PCDHA4: variants seen among roughly 807,000 people sequenced by gnomAD.
PCDHA4 encodes protocadherin alpha-4.
PCDHA4 carries 49 observed loss-of-function variants against 61.4 expected under a neutral mutation model. The ratio of observed to expected loss-of-function variants is 0.80; its 90% CI spans 0.63 to 1.01. The LOEUF is 1.01. Among genes scored for constraint, PCDHA4 ranks in the 50% least tolerant of loss-of-function variants. PCDHA4 has a pLI of 0.00. For synonymous variants in PCDHA4, 590 were observed against 550.3 expected (o/e 1.07, Z -1.01); for missense variants, 1,254 against 1,235.8 (o/e 1.01, Z -0.22).
chr5:140,987,433 T>C (rs2097253895), intron 3 of PCDHA4, among the ~76,000 whole-genome samples: 1 of 152,108 alleles, frequency 6.6e-6, no homozygotes. Flanking sequence ...CAGGGGGCCT[T>C]TCCCCATGCC....
chr5:140,838,075 ATAGTGTGTGTGTGTGT>A (rs1457596432), intron 1 of PCDHA4, among the ~76,000 whole-genome samples: 1,771 of 128,230 alleles, frequency 0.014, 43 homozygotes, highest in African/African-American at 0.016. Flanking sequence ...TTATATATAT[ATAGTGTGTGTGTGTGT>A]GTGTGTGTGT....
At chr5:140,815,732 A>G (rs1410141978) in intron 1 of PCDHA4, 2 of 152,184 alleles carry the variant, frequency 1.3e-5, no homozygotes. Flanking sequence ...TTTTAACTCA[A>G]AAGGCCCCCT....
intron 3 of PCDHA4, among the ~76,000 whole-genome samples, chr5:140,988,533 C>G (rs1395075166): frequency 6.6e-6 from 1 of 152,160 alleles, no homozygotes; most frequent in African/African-American, 2.4e-5. Flanking sequence ...CTGGCTCCAT[C>G]CATTCATGAC....
At chr5:140,973,342 A>ATAGTAATT (rs1437052159) in intron 1 of PCDHA4, among the ~76,000 whole-genome samples, 4 of 152,344 alleles carry the variant, frequency 2.6e-5, no homozygotes, top group Admixed American at 2.6e-4. Context: ...GTAAAGTGAC[A>ATAGTAATT]TAGTAGTGAA....
At chr5:140,990,737 C>T (rs2097410697) in intron 3 of PCDHA4, among the ~76,000 whole-genome samples, 1 of 152,162 alleles carries the variant, frequency 6.6e-6, no homozygotes, top group African/African-American at 2.4e-5. Context: ...ATCAACAGCC[C>T]TAGGGTGGAT....
chr5:140,852,335 T>C (rs2042302607), intron 1 of PCDHA4: 1 of 256,936 alleles, frequency 3.9e-6, no homozygotes. Context: ...TGGAGTACAG[T>C]GGCATGATCT....
At chr5:140,846,712 C>G (rs1014332332) in intron 1 of PCDHA4, among the ~76,000 whole-genome samples, 1 of 149,228 alleles carries the variant, frequency 6.7e-6, no homozygotes, top group Non-Finnish European at 1.5e-5. Context: ...ATTGTAATAA[C>G]CAGTCTTCAT....
intron 1 of PCDHA4, among the ~76,000 whole-genome samples, chr5:140,908,888 C>T (rs2074210125): frequency 1.3e-5 from 2 of 152,122 alleles, no homozygotes; most frequent in African/African-American, 4.8e-5. Flanking sequence ...CCAATAGTCC[C>T]AAATAAGCCT....
At chr5:140,999,051 C>T (rs972072595) in intron 3 of PCDHA4, among the ~76,000 whole-genome samples, 6 of 152,196 alleles carry the variant, frequency 3.9e-5, no homozygotes, top group African/African-American at 9.7e-5. Flanking sequence ...TGCTTTCCAC[C>T]ATGCCTAAGT....
At chr5:140,856,381 G>T in intron 1 of PCDHA4, 2 of 1,598,516 alleles carry the variant, frequency 1.3e-6, no homozygotes, top group South Asian at 1.1e-5. Context: ...TCGTGGACAG[G>T]CCGCTGCAGG....
intron 1 of PCDHA4, chr5:140,813,671 C>T (rs1480249597): frequency 1.3e-5 from 2 of 152,120 alleles, no homozygotes; most frequent in East Asian, 1.9e-4. Context: ...AAGCACTATA[C>T]ATTTAGGCTA....
intron 1 of PCDHA4, among the ~76,000 whole-genome samples, chr5:140,889,644 C>A (rs2062317759): frequency 6.6e-6 from 1 of 151,938 alleles, no homozygotes; most frequent in African/African-American, 2.4e-5. Flanking sequence ...TTTGTGTTTG[C>A]AGGAGATGTC....
intron 1 of PCDHA4, among the ~76,000 whole-genome samples, chr5:140,873,504 T>TTTTTTTTTTTTTTTTTTTTTTTGAG: frequency 6.6e-6 from 1 of 152,256 alleles, no homozygotes; most frequent in South Asian, 2.1e-4. Context: ...TTGTGTCTTT[T>TTTTTTTTTTTTTTTTTTTTTTTGAG]ATACTTAATG....
In PCDHA4 at chr5:140,993,462, T is replaced by C. The variant is rs540334246; in HGVS notation, c.2533+10899T>C. ...CATTCCTGTTCTCCTTCTTTCTTTCTCACACACACACACACACACACACAC... is the reference window on the plus strand; with the variant it reads ...CATTCCTGTTCTCCTTCTTTCTTTCCCACACACACACACACACACACACAC... On this transcript the variant is annotated intron_variant, in intron 3 of 3. Transcript: ENST00000530339. Among the ~76,000 whole-genome samples the C allele has an allele frequency of 4.2e-3, 597 of 141,044 alleles. 4 individuals are homozygous for C. Among genetic ancestry groups the C allele is most frequent in the African/African-American group, 0.015 (577 of 37,966 alleles). 92.5% of individuals were successfully genotyped at this position (141,044 alleles called of 152,430 possible).
At chr5:140,842,871 T>G in intron 1 of PCDHA4, 1 of 1,593,666 alleles carries the variant, frequency 6.3e-7, no homozygotes, top group Non-Finnish European at 8.6e-7. Context: ...AGCGGCAAGG[T>G]GTACGCGCTG....
intron 1 of PCDHA4, among the ~76,000 whole-genome samples, chr5:140,840,836 TA>T (rs1554137914): frequency 6.6e-6 from 1 of 152,034 alleles, no homozygotes; most frequent in Non-Finnish European, 1.5e-5. Flanking sequence ...AAATAAATAT[TA>T]ATGCATTTCT....
intron 1 of PCDHA4, chr5:140,859,356 A>T (rs1159666697): frequency 4.0e-6 from 1 of 251,742 alleles, no homozygotes; most frequent in African/African-American, 2.3e-5. Context: ...TACTGATCTG[A>T]TATATTGTAT....
At position 140,870,696 on chromosome 5, in the gene PCDHA4, G is replaced by A. The variant is rs377050637; in HGVS notation, c.2385+61124G>A. The A allele has an allele frequency of 1.1e-5, 17 of 1,612,906 alleles. No individual in the cohort carries two copies. The African/African-American group carries it at 1.9e-4, about 18-fold the overall frequency. ...ACCACGAGGAGCTGGAGCTGCTACA[G>A]TTCCAGGTGAGCGCGCGCGATGCGG... On this transcript the variant is annotated intron_variant, in intron 1 of 3. Coordinates refer to ENST00000530339, the MANE Select transcript of PCDHA4 (RefSeq NM_018907.4).
At chr5:141,006,584 G>C (rs1554260824) in intron 3 of PCDHA4, among the ~76,000 whole-genome samples, 2 of 152,126 alleles carry the variant, frequency 1.3e-5, no homozygotes, top group Admixed American at 6.6e-5. Flanking sequence ...GAGGGTTGGA[G>C]AGAAGCAAAA....
Sources: allele counts gnomAD v4.1 joint callset (sites outside exome capture counted in the v4.1 genomes callset), GRCh38; gene constraint gnomAD v4.1.1; transcripts MANE v1.5; gene names NCBI Gene and HGNC (gene_info 2026-07-23, HGNC 2026-07-21).